RPTOR: variants seen among roughly 807,000 people sequenced by gnomAD.
RPTOR encodes the protein regulatory associated protein of MTOR complex 1.
RPTOR carries 21 observed loss-of-function variants against 169.9 expected under a neutral mutation model. The ratio of observed to expected loss-of-function variants is 0.12; its 90% confidence interval spans 0.09 to 0.18. RPTOR has a LOEUF of 0.18. RPTOR is among the 10% of genes least tolerant of loss of function. The pLI is 1.00. For synonymous variants in RPTOR, 732 were observed against 753.2 expected (o/e 0.97, Z 0.46); for missense variants, 1,133 against 1,855.9 (o/e 0.61, Z 7.16).
Position 80,567,803 on chromosome 17 carries a change from AAAATAAATAAAT to A in RPTOR, c.162+22032_162+22043del, listed in dbSNP as rs199905629. Among the ~76,000 whole-genome samples the A allele has an allele frequency of 4.5e-3, 667 of 148,548 alleles. 5 individuals are homozygous for A. The highest frequency in any genetic ancestry group is 0.016 in the African/African-American group (637 of 40,962). On this transcript the variant is annotated intron_variant, in intron 1 of 33. Coordinates refer to ENST00000306801, the MANE Select transcript of RPTOR (RefSeq NM_020761.3). ...TGAGACTCTGTATCAAAAAATAAATAAAATAAATAAATAAATAAATAAATAAATAAAAGTCCA... is the reference window on the plus strand; with the variant it reads ...TGAGACTCTGTATCAAAAAATAAATAAAATAAATAAATAAATAAAAGTCCA...
At chr17:80,618,524 G>A (rs953415982) in intron 1 of RPTOR, among the ~76,000 whole-genome samples, 7 of 152,238 alleles carry the variant, frequency 4.6e-5, no homozygotes, top group Admixed American at 3.3e-4. Context: ...TAGCACTCAC[G>A]TGTGCGAAGG....
intron 3 of RPTOR, among the ~76,000 whole-genome samples, chr17:80,655,297 G>C (rs977448693): frequency 6.6e-6 from 1 of 152,238 alleles, no homozygotes; most frequent in Non-Finnish European, 1.5e-5. Context: ...TGTTGGCCAG[G>C]CTGGCCTCAA....
chr17:80,798,132 G>A (rs2067119051), intron 7 of RPTOR, among the ~76,000 whole-genome samples: 1 of 152,212 alleles, frequency 6.6e-6, no homozygotes, highest in African/African-American at 2.4e-5. Flanking sequence ...GCAATTCCAG[G>A]CTGTGCCTGT....
At chr17:80,830,149 T>A (rs1446858644) in intron 9 of RPTOR, among the ~76,000 whole-genome samples, 2 of 152,110 alleles carry the variant, frequency 1.3e-5, no homozygotes, top group Non-Finnish European at 2.9e-5. Context: ...ACGCTATAGG[T>A]GTACACAGAT....
At chr17:80,668,117 A>G (rs984981785) in intron 3 of RPTOR, among the ~76,000 whole-genome samples, 2 of 151,930 alleles carry the variant, frequency 1.3e-5, no homozygotes, top group African/African-American at 4.8e-5. Context: ...ACAGCAGTAA[A>G]CAGTTACCAC....
At chr17:80,674,093 A>T (rs145796273) in intron 3 of RPTOR, among the ~76,000 whole-genome samples, 20 of 152,224 alleles carry the variant, frequency 1.3e-4, no homozygotes, top group African/African-American at 4.8e-4. Flanking sequence ...CCATTCTCCC[A>T]CCCAAGGTTC....
At chr17:80,918,818 C>T (rs368948633) in intron 21 of RPTOR, among the ~76,000 whole-genome samples, 2 of 152,284 alleles carry the variant, frequency 1.3e-5, no homozygotes, top group East Asian at 1.9e-4. Context: ...CAAGCTGCAT[C>T]GTCAGCACTC....
chr17:80,593,238 A>T (rs944162804), intron 1 of RPTOR: 11 of 154,512 alleles, frequency 7.1e-5, no homozygotes, highest in African/African-American at 2.6e-4. Context: ...CTGTAAATTA[A>T]ATTAGAATTT....
At chr17:80,663,414 A>T (rs1242189211) in intron 3 of RPTOR, among the ~76,000 whole-genome samples, 2 of 152,204 alleles carry the variant, frequency 1.3e-5, no homozygotes, top group Admixed American at 6.5e-5. Context: ...TTCTTTGCAA[A>T]GCCAGGCAAT....
intron 1 of RPTOR, among the ~76,000 whole-genome samples, chr17:80,566,427 G>T (rs2064841121): frequency 6.6e-6 from 1 of 152,128 alleles, no homozygotes; most frequent in Non-Finnish European, 1.5e-5. Context: ...TTTTAAAAAG[G>T]TATATGTACA....
At chr17:80,676,187 T>C (rs2065860201) in intron 3 of RPTOR, among the ~76,000 whole-genome samples, 1 of 152,164 alleles carries the variant, frequency 6.6e-6, no homozygotes, top group Non-Finnish European at 1.5e-5. Flanking sequence ...TTTGTCGTGT[T>C]TATGCAAAAT....
In RPTOR at chr17:80,949,292, C is replaced by G. The variant is rs1296868351; in HGVS notation, c.3266-151C>G. 4 of 713,710 alleles carry G rather than the reference C, an allele frequency of 5.6e-6. No individual in the cohort carries two copies. The East Asian group carries it at 9.9e-5, about 18-fold the overall frequency. The allele number at this position is 713,710 out of a possible 1,614,324, so 44.2% of individuals were successfully genotyped here. ...AGGACAGAGTCCAGTCGGTGGGCAC[C>G]CAGAGATCTGGAACCACGGGTAGTG... is the stretch of plus-strand genomic sequence containing the variant. On this transcript the variant is annotated intron_variant, in intron 27 of 33. Transcript: ENST00000306801.
chr17:80,682,044 T>A (rs2065902855), intron 3 of RPTOR, among the ~76,000 whole-genome samples: 1 of 151,564 alleles, frequency 6.6e-6, no homozygotes, highest in African/African-American at 2.4e-5. Flanking sequence ...CCCAAAAGAT[T>A]AGCCACATCA....
At chr17:80,699,402 G>T (rs955231385) in intron 3 of RPTOR, among the ~76,000 whole-genome samples, 3 of 148,920 alleles carry the variant, frequency 2.0e-5, no homozygotes, top group Admixed American at 2.0e-4. Flanking sequence ...CAGTGATGGG[G>T]AGCTAGAGGT....
chr17:80,545,177 T>G lies in RPTOR; in HGVS notation c.-453T>G, dbSNP rs986937298. On this transcript the variant is annotated 5_prime_UTR_variant, in exon 1 of 34. Transcript: ENST00000306801. ...CCAGGGCCCTTTGAACCCGATCCCTTGGCCGGAGACCTCAGCCCAGTCGGC... is the reference window on the plus strand; with the variant it reads ...CCAGGGCCCTTTGAACCCGATCCCTGGGCCGGAGACCTCAGCCCAGTCGGC... The G allele has an allele frequency of 8.5e-6, 2 of 234,622 alleles. No individual in the cohort carries two copies. Among genetic ancestry groups the G allele is most frequent in the African/African-American group, 4.4e-5 (2 of 45,388 alleles). 14.5% of individuals were successfully genotyped at this position (234,622 alleles called of 1,614,324 possible).
intron 5 of RPTOR, among the ~76,000 whole-genome samples, chr17:80,743,694 GC>G (rs1260240433): frequency 1.3e-5 from 2 of 151,026 alleles, no homozygotes; most frequent in African/African-American, 2.5e-5. Flanking sequence ...TACTAGCACA[GC>G]CCTGGCTACT....
At position 80,659,752 on chromosome 17, in the gene RPTOR, C is replaced by G. The variant is rs2065707094; in HGVS notation, c.348+15942C>G. 6.6e-6 allele frequency among the ~76,000 whole-genome samples: 1 copy of G among 152,152 alleles called. No homozygotes were observed. The highest frequency in any genetic ancestry group is 2.1e-4 in the South Asian group (1 of 4,832). On this transcript the variant is annotated intron_variant, in intron 3 of 33. Transcript: ENST00000306801. This position sits in a 1 kb window ranked among gnomAD's most constrained non-coding sequence, Gnocchi z 4.3. ...AACCTCTTGACCTCGTGATCCGCCC[C>G]TTGGTCTCCCAAAGTGCTGAGATAC...
At chr17:80,769,844 C>T (rs918961594) in intron 6 of RPTOR, among the ~76,000 whole-genome samples, 5 of 152,004 alleles carry the variant, frequency 3.3e-5, no homozygotes, top group African/African-American at 1.2e-4. Context: ...AGAGGGAGGG[C>T]GGGGTCCGTG....
intron 17 of RPTOR, among the ~76,000 whole-genome samples, chr17:80,891,482 G>A (rs1408895087): frequency 6.6e-6 from 1 of 152,228 alleles, no homozygotes; most frequent in Non-Finnish European, 1.5e-5. Flanking sequence ...CAGTGGGGAG[G>A]ATTCTGGCAG....
Sources: allele counts gnomAD v4.1 joint callset (sites outside exome capture counted in the v4.1 genomes callset), GRCh38; gene constraint gnomAD v4.1.1; non-coding constraint Gnocchi (gnomAD v3.1); transcripts MANE v1.5; gene names NCBI Gene and HGNC (gene_info 2026-07-23, HGNC 2026-07-21).